Variants in CSMD1 observed in about 807,000 individuals in gnomAD.
The protein encoded by CSMD1 is CUB and sushi domain-containing protein 1.
A neutral mutation model predicts 417.5 loss-of-function variants in CSMD1; 213 were observed. That is an observed-to-expected ratio of 0.51 (90% CI 0.46 to 0.57). The LOEUF (loss-of-function observed/expected upper bound fraction) is 0.57. Among genes scored for constraint, CSMD1 ranks in the 20% least tolerant of loss-of-function variants. CSMD1 has a pLI of 0.00. For synonymous variants in CSMD1, 2,862 were observed against 1,736.8 expected, an observed-to-expected ratio of 1.65 and a Z score of -16.11; for missense variants, 6,923 against 4,529.7, an observed-to-expected ratio of 1.53 and a Z score of -15.17.
chr8:4,922,317 A>G (rs11136793), intron 1 of CSMD1, among the ~76,000 whole-genome samples: 61,892 of 151,994 alleles, frequency 0.41, 15,068 homozygotes, highest in East Asian at 0.84. Context: ...TACATAACCT[A>G]TCCCTGTCCC....
intron 3 of CSMD1, among the ~76,000 whole-genome samples, chr8:4,359,352 A>G (rs1391584384): frequency 1.3e-5 from 2 of 152,236 alleles, no homozygotes; most frequent in Non-Finnish European, 2.9e-5. Context: ...TCTAAACACT[A>G]TAATTATCTA....
Position 2,963,253 on chromosome 8 carries a change from C to T in CSMD1, c.9423G>A (p.Gly3141=), listed in dbSNP as rs1803659486. The change falls in exon 60 of 70, where the codon GGG becomes GGA. Residue 3141 remains glycine, a synonymous_variant. Transcript: ENST00000635120. ...HSAILSCEGR[G]VWKGEIPQCL... is the part of the protein sequence containing the mutation. Reference sequence around the variant, plus strand: ...ACTGGGGGATCTCTCCTTTCCACACCCCGCGACCTTCACAGGAGAGGATGG... The same window carrying T: ...ACTGGGGGATCTCTCCTTTCCACACTCCGCGACCTTCACAGGAGAGGATGG... 3.7e-6 allele frequency: 6 copies of T among 1,613,848 alleles called. No homozygotes were observed. Among genetic ancestry groups the T allele is most frequent in the South Asian group, 1.1e-5 (1 of 91,080 alleles).
chr8:3,592,109 T>C (rs1360015291), intron 8 of CSMD1, among the ~76,000 whole-genome samples: 1 of 151,996 alleles, frequency 6.6e-6, no homozygotes, highest in Non-Finnish European at 1.5e-5. Flanking sequence ...AATAGATGGA[T>C]AGATACATAG....
chr8:3,745,507 G>A (rs1451162079), intron 6 of CSMD1, among the ~76,000 whole-genome samples: 1 of 152,196 alleles, frequency 6.6e-6, no homozygotes, highest in Non-Finnish European at 1.5e-5. Flanking sequence ...TGTACAACAG[G>A]AAACTCGCCC....
chr8:3,516,799 T>G (rs1169055507), intron 10 of CSMD1, among the ~76,000 whole-genome samples: 1 of 152,128 alleles, frequency 6.6e-6, no homozygotes, highest in Non-Finnish European at 1.5e-5. Context: ...GAACTACCAT[T>G]TGGCCCAACA....
In CSMD1 at chr8:3,522,654, T is replaced by C. The variant is rs142290432; in HGVS notation, c.1345-28928A>G. 6.0e-3 allele frequency among the ~76,000 whole-genome samples: 912 copies of C among 152,092 alleles called. 7 individuals are homozygous for C. The highest frequency in any genetic ancestry group is 0.021 in the African/African-American group (876 of 41,426). On this transcript the variant is annotated intron_variant, in intron 10 of 69. Transcript: ENST00000635120. ...CATGGCAGTACTTTATTGCAGACTTTGTGACATGTGAGTTTCAGTGAGGAG... is the reference window on the plus strand; with the variant it reads ...CATGGCAGTACTTTATTGCAGACTTCGTGACATGTGAGTTTCAGTGAGGAG...
In CSMD1 at chr8:3,064,913, G is replaced by C. The variant is rs529528821; in HGVS notation, c.7475-12266C>G. On this transcript the variant is annotated intron_variant, in intron 49 of 69. Coordinates refer to ENST00000635120, the MANE Select transcript of CSMD1 (RefSeq NM_033225.6). The stretch of plus-strand genomic sequence containing the variant: ...TCTTTTTTTTTCCTTTTATTCCCAG[G>C]GTATAAGCAATGTGGAAGGGAGAAA... Among the ~76,000 whole-genome samples, 3 of 152,128 alleles carry C rather than the reference G, an allele frequency of 2.0e-5. 1 individual carries two copies. In the South Asian group the frequency reaches 6.2e-4, roughly 32 times the overall value.
At chr8:4,687,636 C>G (rs1346803384) in intron 1 of CSMD1, among the ~76,000 whole-genome samples, 1 of 152,176 alleles carries the variant, frequency 6.6e-6, no homozygotes, top group Non-Finnish European at 1.5e-5. Context: ...TGAAGTGTTA[C>G]TCACAGCTAA....
At chr8:3,306,095 G>A (rs559169510) in intron 25 of CSMD1, among the ~76,000 whole-genome samples, 1 of 152,044 alleles carries the variant, frequency 6.6e-6, no homozygotes. Flanking sequence ...CCTTTCTCAT[G>A]TAGGGTGTAT....
chr8:3,560,928 C>T (rs192618684), intron 10 of CSMD1, among the ~76,000 whole-genome samples: 126 of 152,238 alleles, frequency 8.3e-4, no homozygotes, highest in Non-Finnish European at 1.6e-3. Flanking sequence ...AGACGCCTCA[C>T]GTTGTATTTA....
chr8:3,843,458 C>T (rs925195038), intron 5 of CSMD1, among the ~76,000 whole-genome samples: 1 of 151,620 alleles, frequency 6.6e-6, no homozygotes, highest in Non-Finnish European at 1.5e-5. Flanking sequence ...AGCCAAAGAT[C>T]AAAATGACAA....
At chr8:4,051,337 A>C (rs968074866) in intron 3 of CSMD1, among the ~76,000 whole-genome samples, 3 of 151,352 alleles carry the variant, frequency 2.0e-5, no homozygotes, top group African/African-American at 7.4e-5. Flanking sequence ...TGTACAAGTA[A>C]AGCCAGACTC....
At chr8:4,089,005 T>G (rs17068886) in intron 3 of CSMD1, among the ~76,000 whole-genome samples, 26,789 of 152,206 alleles carry the variant, frequency 0.18, 2,757 homozygotes, top group South Asian at 0.38. Context: ...ACAGATCCCC[T>G]TGCTGAGGGT....
chr8:3,216,245 A>G (rs113276424), intron 29 of CSMD1, among the ~76,000 whole-genome samples: 4 of 152,194 alleles, frequency 2.6e-5, no homozygotes, highest in African/African-American at 9.6e-5. Flanking sequence ...CCCATATAGA[A>G]TATAGAACAT....
intron 5 of CSMD1, among the ~76,000 whole-genome samples, chr8:3,845,488 A>G (rs1803443004): frequency 6.6e-6 from 1 of 152,152 alleles, no homozygotes; most frequent in South Asian, 2.1e-4. Context: ...AAGATAGAAA[A>G]TGCTACACCT....
intron 5 of CSMD1, among the ~76,000 whole-genome samples, chr8:3,758,455 T>A (rs1372716180): frequency 2.0e-5 from 3 of 152,210 alleles, no homozygotes; most frequent in African/African-American, 7.2e-5. Flanking sequence ...AAGGGGGTTG[T>A]TCCAAATGAG....
rs1392324658 is a variant in CSMD1 at position 4,453,810 on chromosome 8, G to GT, written c.303-33746dup. Among the ~76,000 whole-genome samples the GT allele has an allele frequency of 2.8e-3, 261 of 92,984 alleles. 1 individual carries two copies. Among genetic ancestry groups the GT allele is most frequent in the Middle Eastern group, 0.016 (2 of 124 alleles). The allele number at this position is 92,984 out of a possible 152,430, so 61.0% of individuals were successfully genotyped here. On this transcript the variant is annotated intron_variant, in intron 2 of 69. Coordinates refer to ENST00000635120, the MANE Select transcript of CSMD1 (RefSeq NM_033225.6). ...GTTCCCGAACAAGATTGCGCAATTCGTTTCTTTTTTTTTTTTTTTTTTTTT... is the reference window on the plus strand; with the variant it reads ...GTTCCCGAACAAGATTGCGCAATTCGTTTTCTTTTTTTTTTTTTTTTTTTTT...
At chr8:4,930,831 G>A (rs1197192820) in intron 1 of CSMD1, among the ~76,000 whole-genome samples, 1 of 152,172 alleles carries the variant, frequency 6.6e-6, no homozygotes, top group Non-Finnish European at 1.5e-5. Context: ...TGTGACCATT[G>A]TAAATACAGG....
intron 1 of CSMD1, among the ~76,000 whole-genome samples, chr8:4,775,688 C>T (rs961581655): frequency 4.6e-5 from 7 of 152,136 alleles, no homozygotes; most frequent in African/African-American, 1.7e-4. Flanking sequence ...GACTGCTGGA[C>T]CAAGGCAGCG....
Sources: allele counts gnomAD v4.1 joint callset (sites outside exome capture counted in the v4.1 genomes callset), GRCh38; gene constraint gnomAD v4.1.1; transcripts MANE v1.5; gene names NCBI Gene and HGNC (gene_info 2026-07-23, HGNC 2026-07-21).